Variants in TBCCD1 observed in about 807,000 individuals in gnomAD.
TBCCD1 encodes the protein TBCC domain containing 1, also known as TBCC domain-containing protein 1.
A neutral mutation model predicts 53.4 loss-of-function variants in TBCCD1; 26 were observed. The observed-to-expected ratio is 0.49, with a 90% CI of 0.36 to 0.68. The LOEUF (loss-of-function observed/expected upper bound fraction) is 0.68, where lower values mean the gene tolerates loss of function less well. TBCCD1 is among the 30% of genes least tolerant of loss of function. The pLI is 0.00. For synonymous variants in TBCCD1, 245 were observed against 241.7 expected (o/e 1.01, Z -0.13); for missense variants, 558 against 669.5 (o/e 0.83, Z 1.84).
upstream of TBCCD1, chr3:186,567,375 C>A (rs911198368): frequency 6.6e-6 from 1 of 152,266 alleles, no homozygotes; most frequent in Non-Finnish European, 1.5e-5. Context: ...GCCGTGCCCA[C>A]TGCGCAAGCG....
At chr3:186,566,360 G>A (rs1415617552) in intron 1 of TBCCD1, among the ~76,000 whole-genome samples, 1 of 152,130 alleles carries the variant, frequency 6.6e-6, no homozygotes, top group Non-Finnish European at 1.5e-5. Flanking sequence ...TGCCTCTCTC[G>A]AGAATCATCT....
intron 6 of TBCCD1, among the ~76,000 whole-genome samples, chr3:186,551,664 A>G (rs1455678881): frequency 6.6e-6 from 1 of 152,192 alleles, no homozygotes; most frequent in Non-Finnish European, 1.5e-5. Context: ...ATATTCTAGT[A>G]GGAAAGATAG....
At position 186,556,456 on chromosome 3, in the gene TBCCD1, G is replaced by T; in HGVS notation, c.812C>A (p.Thr271Lys). 6.2e-7 allele frequency: 1 copy of T among 1,607,606 alleles called. No individual in the cohort carries two copies. Among genetic ancestry groups the T allele is most frequent in the Non-Finnish European group, 8.5e-7 (1 of 1,178,784 alleles). The change falls in exon 4 of 8, where the codon ACA (threonine) becomes AAA (lysine). Residue 271 changes from threonine to lysine, a missense_variant. Physicochemically the swap from Thr to Lys is moderately conservative, Grantham distance 78 (BLOSUM62 -1). Transcript: ENST00000338733. ...CTTTCCAGACTTGAGGCAAGCTGAT[G>T]TACCAAATGGATTCCCAGTCAAACA... ...RSCLTGNPFG[T>K]SACLKSGKKL...
At chr3:186,568,917 AATAAAG>A (rs1714918463), upstream of TBCCD1, among the ~76,000 whole-genome samples, 28 of 146,696 alleles carry the variant, frequency 1.9e-4, no homozygotes, top group Admixed American at 1.6e-3. Context: ...AAAAAAAAGA[AATAAAG>A]AAAAGAAAAC....
chr3:186,557,027 T>C (rs1434656260), intron 3 of TBCCD1, among the ~76,000 whole-genome samples: 2 of 152,142 alleles, frequency 1.3e-5, no homozygotes, highest in African/African-American at 2.4e-5. Context: ...CAAACACCTA[T>C]CACCAATGCA....
chr3:186,562,963 T>C (rs1439045420), intron 2 of TBCCD1, among the ~76,000 whole-genome samples: 1 of 152,244 alleles, frequency 6.6e-6, no homozygotes, highest in Admixed American at 6.5e-5. Context: ...ACACGGAGCC[T>C]GGACAAATGC....
Position 186,554,579 on chromosome 3 carries a change from T to A in TBCCD1, c.1219A>T (p.Ile407Phe). The stretch of plus-strand genomic sequence containing the variant: ...GTTACTGTCTGGTTCCCAGAGAGAA[T>A]AAGTGGGCGTGTAGGCGTAAGAACG... ...FHVLTPTRPL[I>F]LSGNQTVTFA... The change falls in exon 6 of 8, where the codon ATT becomes TTT. Residue 407 changes from isoleucine (I) to phenylalanine (F), a missense_variant. Ile to Phe is a conservative substitution (Grantham distance 21). Coordinates refer to ENST00000338733, the MANE Select transcript of TBCCD1 (RefSeq NM_018138.5). 1 of 1,614,200 alleles carries A rather than the reference T, an allele frequency of 6.2e-7. No homozygotes were observed. Among genetic ancestry groups the A allele is most frequent in the Non-Finnish European group, 8.5e-7 (1 of 1,180,034 alleles).
At chr3:186,559,194 T>A (rs552386771) in intron 2 of TBCCD1, among the ~76,000 whole-genome samples, 1 of 152,098 alleles carries the variant, frequency 6.6e-6, no homozygotes, top group East Asian at 1.9e-4. Context: ...ACTTACAATT[T>A]AAAAAAAACC....
Position 186,564,064 on chromosome 3 carries a change from T to C in TBCCD1, c.266A>G (p.Glu89Gly). The C allele has an allele frequency of 6.2e-7, 1 of 1,614,200 alleles. No homozygotes were observed. The highest frequency in any genetic ancestry group is 8.5e-7 in the Non-Finnish European group (1 of 1,180,042). ...FDSLSMKTPE[E>G]RLEWSEVLSN... is the part of the protein sequence containing the mutation. The stretch of plus-strand genomic sequence containing the variant: ...CAGAACCTCAGACCATTCCAGGCGC[T>C]CCTCAGGTGTCTTCATTGAAAGACT... The change falls in exon 2 of 8, where the codon GAG becomes GGG. Residue 89 changes from glutamate (E) to glycine (G), a missense_variant. Coordinates refer to ENST00000338733, the MANE Select transcript of TBCCD1 (RefSeq NM_018138.5).
rs1184264220 is a variant in TBCCD1, at chr3:186,554,478, G to A, written c.1320C>T (p.Asn440=). The part of the protein sequence containing the change: ...MARTGLATVP[N]YWDNPMVVCR... ...ACACAACCATTGGATTATCCCAATAGTTAGGCACTGTAGCAAGGCCAGTCC... is the reference window on the plus strand; with the variant it reads ...ACACAACCATTGGATTATCCCAATAATTAGGCACTGTAGCAAGGCCAGTCC... Residue 440 remains asparagine, a synonymous_variant, in exon 6 of 8, where the codon AAC becomes AAT. Coordinates refer to ENST00000338733, the MANE Select transcript of TBCCD1 (RefSeq NM_018138.5). 1.2e-6 allele frequency: 2 copies of A among 1,614,242 alleles called. No individual in the cohort carries two copies. The highest frequency in any genetic ancestry group is 1.7e-5 in the Admixed American group (1 of 60,028).
At chr3:186,562,956 C>T (rs1714728112) in intron 2 of TBCCD1, among the ~76,000 whole-genome samples, 1 of 152,182 alleles carries the variant, frequency 6.6e-6, no homozygotes, top group Non-Finnish European at 1.5e-5. Flanking sequence ...TGGGGAAACA[C>T]GGAGCCTGGA....
upstream of TBCCD1, among the ~76,000 whole-genome samples, chr3:186,569,060 C>T (rs1343499754): frequency 6.6e-6 from 1 of 151,994 alleles, no homozygotes; most frequent in African/African-American, 2.4e-5. Flanking sequence ...CATGCTAGCA[C>T]ATGAGGGAGA....
chr3:186,555,556 CCTTTTTTT>C (rs1243963113), intron 4 of TBCCD1, among the ~76,000 whole-genome samples: 1 of 152,078 alleles, frequency 6.6e-6, no homozygotes, highest in Non-Finnish European at 1.5e-5. Flanking sequence ...TGAGTTCATG[CCTTTTTTT>C]CTTCTTTTTT....
At position 186,567,291 on chromosome 3, in the gene TBCCD1, C is replaced by G. The variant is rs1714864164; in HGVS notation, c.-68G>C. ...CCTGCTAATGCAGGCGCCGCTCCGCCGCACTTCTCCGCGCGCCGCCGCGCC... is the reference window on the plus strand; with the variant it reads ...CCTGCTAATGCAGGCGCCGCTCCGCGGCACTTCTCCGCGCGCCGCCGCGCC... On this transcript the variant is annotated 5_prime_UTR_variant, in exon 1 of 8. Coordinates refer to ENST00000338733, the MANE Select transcript of TBCCD1 (RefSeq NM_018138.5). The G allele has an allele frequency of 6.5e-6, 1 of 153,064 alleles. No individual in the cohort carries two copies. The highest frequency in any genetic ancestry group is 2.1e-4 in the South Asian group (1 of 4,874). The allele number at this position is 153,064 out of a possible 1,614,324, so 9.5% of individuals were successfully genotyped here.
intron 7 of TBCCD1, among the ~76,000 whole-genome samples, chr3:186,549,454 T>G (rs2108452814): frequency 6.6e-6 from 1 of 152,020 alleles, no homozygotes; most frequent in Non-Finnish European, 1.5e-5. Context: ...GGAGGAACGC[T>G]TTAAGCCAGG....
chr3:186,557,464 C>T (rs532640050), intron 3 of TBCCD1, among the ~76,000 whole-genome samples: 16 of 152,334 alleles, frequency 1.1e-4, no homozygotes, highest in Admixed American at 4.6e-4. Context: ...ATCTCTCATA[C>T]ATCTGGGCTT....
chr3:186,569,293 G>T (rs1004413017), upstream of TBCCD1, among the ~76,000 whole-genome samples: 2 of 123,138 alleles, frequency 1.6e-5, no homozygotes, highest in African/African-American at 7.3e-5. Context: ...GGAGTGACAT[G>T]ATTTGACTTT....
intron 4 of TBCCD1, 111 bp from the exon 5 acceptor site, chr3:186,555,195 T>G: frequency 1.0e-6 from 1 of 1,004,976 alleles, no homozygotes; most frequent in South Asian, 2.1e-5. Context: ...AGATACCACA[T>G]GTAGGGACAA....
Position 186,546,728 on chromosome 3 carries a change from G to A in TBCCD1, c.*249C>T, listed in dbSNP as rs1714219737. 1 of 151,948 alleles carries A rather than the reference G, an allele frequency of 6.6e-6. No individual in the cohort carries two copies. Among genetic ancestry groups the A allele is most frequent in the Non-Finnish European group, 1.5e-5 (1 of 68,050 alleles). 9.4% of individuals were successfully genotyped at this position (151,948 alleles called of 1,614,324 possible). A position where few individuals can be genotyped will look rare whatever the true frequency, so the allele number is the denominator to read the frequency against. ...CGCCTGTAGTCCCAGCTACTCAGGA[G>A]GCTGAGGCAGGAGAATGGCGTGAAC... is the stretch of plus-strand genomic sequence containing the variant. On this transcript the variant is annotated 3_prime_UTR_variant, in exon 8 of 8. Coordinates refer to ENST00000338733, the MANE Select transcript of TBCCD1 (RefSeq NM_018138.5).
Sources: gnomAD v4.1 joint callset for allele counts (sites outside exome capture counted in the v4.1 genomes callset) on GRCh38, gnomAD v4.1.1 for gene constraint, MANE v1.5 for transcripts, NCBI Gene and HGNC (gene_info 2026-07-23, HGNC 2026-07-21) for gene names.